Variants in ZKSCAN1 observed in about 807,000 individuals in gnomAD.
ZKSCAN1 encodes the protein zinc finger with KRAB and SCAN domains 1.
In ZKSCAN1, 14 loss-of-function variants were observed where a neutral mutation model predicts 51.6. The ratio of observed to expected loss-of-function variants is 0.27; its 90% CI spans 0.18 to 0.42. The LOEUF (loss-of-function observed/expected upper bound fraction) is 0.42. Ranked by LOEUF, ZKSCAN1 falls within the 10% of genes least tolerant of loss-of-function variation. ZKSCAN1 has a pLI of 1.00. For missense variants in ZKSCAN1, 531 were observed against 710.0 expected, an observed-to-expected ratio of 0.75 and a Z score of 2.86; for synonymous variants, 263 against 261.5, an observed-to-expected ratio of 1.01 and a Z score of -0.06.
chr7:100,034,634 C>A lies in ZKSCAN1; in HGVS notation c.*437C>A. 1.0e-4 allele frequency: 83 copies of A among 813,930 alleles called. No homozygotes were observed. The highest frequency in any genetic ancestry group is 1.3e-4 in the East Asian group (1 of 7,878). The allele number at this position is 813,930 out of a possible 1,614,324, so 50.4% of individuals were successfully genotyped here. A position where few individuals can be genotyped will look rare whatever the true frequency, so the allele number is the denominator to read the frequency against. ...TTTGGCCAACATCCTGCTTATTTCT[C>A]AAAAAAGAGGGACAGTGAAAACAAA... On this transcript the variant is annotated 3_prime_UTR_variant, in exon 6 of 6. Coordinates refer to ENST00000324306, the MANE Select transcript of ZKSCAN1 (RefSeq NM_003439.4).
chr7:100,035,485 TATG>T lies in ZKSCAN1; in HGVS notation c.*1294_*1296del, dbSNP rs1266567484. 2 of 152,066 alleles carry T rather than the reference TATG, an allele frequency of 1.3e-5. No homozygotes were observed. Among genetic ancestry groups the T allele is most frequent in the East Asian group, 1.9e-4 (1 of 5,192 alleles). The allele number at this position is 152,066 out of a possible 1,614,324, so 9.4% of individuals were successfully genotyped here. ...TTCTTTGCAGTTAGCTGCTGAACAG[TATG>T]ATGATTTGGGGATTTTCTGAATCAT... On this transcript the variant is annotated 3_prime_UTR_variant, in exon 6 of 6. Coordinates refer to ENST00000324306, the MANE Select transcript of ZKSCAN1 (RefSeq NM_003439.4).
At chr7:100,021,354 G>T (rs527997137) in intron 1 of ZKSCAN1, among the ~76,000 whole-genome samples, 2 of 151,774 alleles carry the variant, frequency 1.3e-5, no homozygotes, top group African/African-American at 4.8e-5. Context: ...ACTCCTGACC[G>T]CAGGTGGCCC....
Position 100,038,091 on chromosome 7 carries a change from G to T in ZKSCAN1, c.*3894G>T, listed in dbSNP as rs1470847241. 2 of 985,228 alleles carry T rather than the reference G, an allele frequency of 2.0e-6. No individual in the cohort carries two copies. Among genetic ancestry groups the T allele is most frequent in the Non-Finnish European group, 2.4e-6 (2 of 829,884 alleles). The allele number at this position is 985,228 out of a possible 1,614,324, so 61.0% of individuals were successfully genotyped here. ...ATCTACAGATGAAAAAAAATGTGGG[G>T]AAATGCTTTAAAAAAATAGCAAAAT... On this transcript the variant is annotated 3_prime_UTR_variant, in exon 6 of 6. Coordinates refer to ENST00000324306, the MANE Select transcript of ZKSCAN1 (RefSeq NM_003439.4).
intron 1 of ZKSCAN1, among the ~76,000 whole-genome samples, chr7:100,019,540 T>G (rs887045767): frequency 3.3e-5 from 5 of 151,920 alleles, no homozygotes; most frequent in Non-Finnish European, 7.4e-5. Flanking sequence ...TCATAGGCCT[T>G]CATTTTAGGA....
chr7:100,040,509 T>G lies in ZKSCAN1; in HGVS notation c.*6312T>G. On this transcript the variant is annotated 3_prime_UTR_variant, in exon 6 of 6. Coordinates refer to ENST00000324306, the MANE Select transcript of ZKSCAN1 (RefSeq NM_003439.4). ...GTGAGATCTGTGAGTGATTGAAAGG[T>G]GATATTTAAAAACTTGGATTTCATT... 1.0e-6 allele frequency: 1 copy of G among 985,336 alleles called. No homozygotes were observed. The highest frequency in any genetic ancestry group is 1.2e-6 in the Non-Finnish European group (1 of 829,916). The allele number at this position is 985,336 out of a possible 1,614,324, so 61.0% of individuals were successfully genotyped here. A position where few individuals can be genotyped will look rare whatever the true frequency, so the allele number is the denominator to read the frequency against.
At chr7:100,041,936 G>C (rs1422006994), downstream of ZKSCAN1, among the ~76,000 whole-genome samples, 1 of 152,124 alleles carries the variant, frequency 6.6e-6, no homozygotes, top group Non-Finnish European at 1.5e-5. Flanking sequence ...TGAAAAACTA[G>C]TTCAGGCCAT....
Position 100,040,515 on chromosome 7 carries a change from T to C in ZKSCAN1, c.*6318T>C. 1 of 985,434 alleles carries C rather than the reference T, an allele frequency of 1.0e-6. No homozygotes were observed. 61.0% of individuals were successfully genotyped at this position (985,434 alleles called of 1,614,324 possible). A position where few individuals can be genotyped will look rare whatever the true frequency, so the allele number is the denominator to read the frequency against. ...TCTGTGAGTGATTGAAAGGTGATAT[T>C]TAAAAACTTGGATTTCATTCCAGTG... On this transcript the variant is annotated 3_prime_UTR_variant, in exon 6 of 6. Transcript: ENST00000324306.
intron 1 of ZKSCAN1, among the ~76,000 whole-genome samples, chr7:100,021,404 A>G (rs1267425038): frequency 6.6e-6 from 1 of 152,090 alleles, no homozygotes; most frequent in Non-Finnish European, 1.5e-5. Context: ...CTGGTATTAC[A>G]GGCATGAGCC....
In ZKSCAN1 at chr7:100,038,595, G is replaced by T; in HGVS notation, c.*4398G>T. 1.0e-6 allele frequency: 1 copy of T among 985,470 alleles called. No homozygotes were observed. Among genetic ancestry groups the T allele is most frequent in the Non-Finnish European group, 1.2e-6 (1 of 829,950 alleles). The allele number at this position is 985,470 out of a possible 1,614,324, so 61.0% of individuals were successfully genotyped here. A position where few individuals can be genotyped will look rare whatever the true frequency, so the allele number is the denominator to read the frequency against. ...GTAGACGGTCTTCTCCATGAAGCGA[G>T]AGTAGGAAGTGTACTGGAATGGCCA... On this transcript the variant is annotated 3_prime_UTR_variant, in exon 6 of 6. Transcript: ENST00000324306.
chr7:100,034,618 C>A lies in ZKSCAN1; in HGVS notation c.*421C>A. 1 of 945,984 alleles carries A rather than the reference C, an allele frequency of 1.1e-6. No individual in the cohort carries two copies. The highest frequency in any genetic ancestry group is 1.3e-6 in the Non-Finnish European group (1 of 791,640). The allele number at this position is 945,984 out of a possible 1,614,324, so 58.6% of individuals were successfully genotyped here. On this transcript the variant is annotated 3_prime_UTR_variant, in exon 6 of 6. Coordinates refer to ENST00000324306, the MANE Select transcript of ZKSCAN1 (RefSeq NM_003439.4). ...TGCAAACAAGCCCTACTTTGGCCAA[C>A]ATCCTGCTTATTTCTCAAAAAAGAG...
chr7:100,029,813 G>A, intron 3 of ZKSCAN1, 48 bp from the exon 4 acceptor site: 1 of 1,571,644 alleles, frequency 6.4e-7, no homozygotes, highest in African/African-American at 1.4e-5. Flanking sequence ...CTTTGAGCAA[G>A]GCTCAGAGCG....
Position 100,029,568 on chromosome 7 carries a change from A to G in ZKSCAN1, c.581-293A>G, listed in dbSNP as rs540045103. ...CCCCATCCTGGCTCTGCCACTGGGA[A>G]TGTGACATTAGGGAAGTCATTTGCA... On this transcript the variant is annotated intron_variant, in intron 3 of 5. Coordinates refer to ENST00000324306, the MANE Select transcript of ZKSCAN1 (RefSeq NM_003439.4). Among the ~76,000 whole-genome samples, 5 of 152,282 alleles carry G rather than the reference A, an allele frequency of 3.3e-5. 1 individual carries two copies. The highest frequency in any genetic ancestry group is 1.2e-4 in the African/African-American group (5 of 41,574).
chr7:100,016,753 G>C lies in ZKSCAN1; in HGVS notation c.-89+1027G>C, dbSNP rs114350376. 9.3e-4 allele frequency: 141 copies of C among 152,262 alleles called. 1 individual carries two copies. Among genetic ancestry groups the C allele is most frequent in the African/African-American group, 3.3e-3 (136 of 41,538 alleles). The allele number at this position is 152,262 out of a possible 1,614,324, so 9.4% of individuals were successfully genotyped here. A position where few individuals can be genotyped will look rare whatever the true frequency, so the allele number is the denominator to read the frequency against. ...CCTGGGACCAAAGAAAGCATTTATT[G>C]TACGGGCCAGTGCTAGGCGGATTGG... On this transcript the variant is annotated intron_variant, in intron 1 of 5. Coordinates refer to ENST00000324306, the MANE Select transcript of ZKSCAN1 (RefSeq NM_003439.4).
chr7:100,020,914 G>A (rs569381228), intron 1 of ZKSCAN1, among the ~76,000 whole-genome samples: 1 of 152,240 alleles, frequency 6.6e-6, no homozygotes, highest in East Asian at 1.9e-4. Context: ...CACAGTGTCA[G>A]TTCTGCTTAG....
At chr7:100,044,743 A>C, downstream of ZKSCAN1, 1 of 954,828 alleles carries the variant, frequency 1.0e-6, no homozygotes, top group Non-Finnish European at 1.2e-6. Context: ...GTTTAACTCC[A>C]CCATTCCACT....
At chr7:100,027,511 G>A (rs1790892687) in intron 3 of ZKSCAN1, among the ~76,000 whole-genome samples, 1 of 151,684 alleles carries the variant, frequency 6.6e-6, no homozygotes, top group Non-Finnish European at 1.5e-5. Flanking sequence ...AGCACTTTGG[G>A]AAGCCGAGGC....
At position 100,037,184 on chromosome 7, in the gene ZKSCAN1, C is replaced by G; in HGVS notation, c.*2987C>G. On this transcript the variant is annotated 3_prime_UTR_variant, in exon 6 of 6. Coordinates refer to ENST00000324306, the MANE Select transcript of ZKSCAN1 (RefSeq NM_003439.4). ...CTAATTGGCGTTCAAGATAGTCATTCAAAAGTTCTTGGCCCGCTGAAGTCT... is the reference window on the plus strand; with the variant it reads ...CTAATTGGCGTTCAAGATAGTCATTGAAAAGTTCTTGGCCCGCTGAAGTCT... 1.0e-6 allele frequency: 1 copy of G among 985,438 alleles called. No individual in the cohort carries two copies. Among genetic ancestry groups the G allele is most frequent in the Non-Finnish European group, 1.2e-6 (1 of 829,932 alleles). 61.0% of individuals were successfully genotyped at this position (985,438 alleles called of 1,614,324 possible).
chr7:100,034,030 A>C lies in ZKSCAN1; in HGVS notation c.1525A>C (p.Arg509=). 1.2e-6 allele frequency: 2 copies of C among 1,614,200 alleles called. No individual in the cohort carries two copies. Among genetic ancestry groups the C allele is most frequent in the Non-Finnish European group, 1.7e-6 (2 of 1,180,034 alleles). The change falls in exon 6 of 6, where the codon AGA becomes CGA. Residue 509 remains arginine (R), a synonymous_variant. Transcript: ENST00000324306. ...NRNSYLILHR[R]IHTREKPYKC... is the part of the protein sequence containing the mutation. Reference sequence around the variant, plus strand: ...AAACTCATACCTGATTTTGCATCGGAGAATTCACACTCGAGAAAAGCCCTA... The same window carrying C: ...AAACTCATACCTGATTTTGCATCGGCGAATTCACACTCGAGAAAAGCCCTA...
chr7:100,020,085 C>T (rs1047791034), intron 1 of ZKSCAN1, among the ~76,000 whole-genome samples: 4 of 152,132 alleles, frequency 2.6e-5, no homozygotes, highest in Non-Finnish European at 4.4e-5. Flanking sequence ...CTTAAATACC[C>T]GGTACCTAGA....
Sources: gnomAD v4.1 joint callset for allele counts (sites outside exome capture counted in the v4.1 genomes callset) on GRCh38, gnomAD v4.1.1 for gene constraint, MANE v1.5 for transcripts, NCBI Gene and HGNC (gene_info 2026-07-23, HGNC 2026-07-21) for gene names.